Variants in SGCD observed in about 807,000 individuals in gnomAD.
The protein encoded by SGCD is sarcoglycan delta.
A neutral mutation model predicts 36.6 loss-of-function variants in SGCD; 18 were observed. The observed-to-expected ratio is 0.49, with a 90% confidence interval of 0.34 to 0.73. The LOEUF (loss-of-function observed/expected upper bound fraction) is 0.73. Ranked by LOEUF, SGCD falls within the 30% of genes least tolerant of loss-of-function variation. The pLI, the probability that SGCD is intolerant of heterozygous loss-of-function variation, is 0.01. For synonymous variants in SGCD, 133 were observed against 130.6 expected, an observed-to-expected ratio of 1.02 and a Z score of -0.12; for missense variants, 387 against 346.7, an observed-to-expected ratio of 1.12 and a Z score of -0.92.
chr5:155,801,112 T>C, the SGCD span, among the ~76,000 whole-genome samples: 1 of 152,218 alleles, frequency 6.6e-6, no homozygotes, highest in Non-Finnish European at 1.5e-5. Context: ...GATCCACCTC[T>C]CTGCCTTCTT....
intron 6 of SGCD, among the ~76,000 whole-genome samples, chr5:156,602,553 C>G (rs780220735): frequency 3.3e-5 from 5 of 152,074 alleles, no homozygotes; most frequent in Admixed American, 6.5e-5. Flanking sequence ...GAGGGAACTT[C>G]CCATTCAGTA....
intron 3 of SGCD, among the ~76,000 whole-genome samples, chr5:156,320,095 A>ATGTG (rs1491543235): frequency 2.6e-4 from 27 of 102,420 alleles, no homozygotes; most frequent in African/African-American, 9.4e-4. Context: ...ACAGCCTTTG[A>ATGTG]TATGTGTGTG....
intron 1 of SGCD, among the ~76,000 whole-genome samples, chr5:156,031,270 CTGAGAACCACTCTT>C (rs1279888571): frequency 2.0e-5 from 3 of 152,140 alleles, no homozygotes; most frequent in Non-Finnish European, 4.4e-5. Context: ...TGCTGCTAGT[CTGAGAACCACTCTT>C]TGAGAACCAC....
intron 3 of SGCD, among the ~76,000 whole-genome samples, chr5:156,272,954 C>T (rs1046294849): frequency 2.0e-5 from 3 of 152,198 alleles, no homozygotes; most frequent in East Asian, 1.9e-4. Flanking sequence ...CAAAGCCAAA[C>T]GCCTTTACTA....
chr5:156,665,216 C>G (rs1764101365), intron 7 of SGCD, among the ~76,000 whole-genome samples: 1 of 152,166 alleles, frequency 6.6e-6, no homozygotes, highest in Non-Finnish European at 1.5e-5. Flanking sequence ...GGCACCTGAC[C>G]TGCTGGAAGA....
rs1232454071 is a variant in SGCD, at chr5:156,696,336, C to T, written c.575+48800C>T. Among the ~76,000 whole-genome samples the T allele has an allele frequency of 2.0e-5, 3 of 152,176 alleles. No homozygotes were observed. In the East Asian group the frequency reaches 5.8e-4, roughly 29 times the overall value. On this transcript the variant is annotated intron_variant, in intron 7 of 8. Transcript: ENST00000337851. ...CAGAGTCCTGGGCCATAGGCAGGAT[C>T]TACATTTTGAATATGTTCTTCCTCT...
chr5:156,454,325 A>G (rs1014284127), intron 3 of SGCD, among the ~76,000 whole-genome samples: 1 of 152,180 alleles, frequency 6.6e-6, no homozygotes, highest in Non-Finnish European at 1.5e-5. Flanking sequence ...TTAAAGAAGG[A>G]AAGTTTAGTA....
chr5:155,852,886 A>G, the SGCD span, among the ~76,000 whole-genome samples: 2 of 152,088 alleles, frequency 1.3e-5, no homozygotes, highest in African/African-American at 4.8e-5. Context: ...AAAAAGTGCT[A>G]GCTCATGTGG....
At chr5:156,175,024 T>A (rs1192300188) in intron 3 of SGCD, among the ~76,000 whole-genome samples, 1 of 151,884 alleles carries the variant, frequency 6.6e-6, no homozygotes, top group Non-Finnish European at 1.5e-5. Context: ...GATAAATGAG[T>A]CTAGGGAAAG....
At chr5:156,591,686 G>T (rs895917255) in intron 5 of SGCD, among the ~76,000 whole-genome samples, 1 of 152,236 alleles carries the variant, frequency 6.6e-6, no homozygotes, top group Non-Finnish European at 1.5e-5. Context: ...AGACTACACA[G>T]AGGGGGATTA....
At chr5:155,889,912 T>C (rs1055543378) in intron 1 of SGCD, among the ~76,000 whole-genome samples, 3 of 152,196 alleles carry the variant, frequency 2.0e-5, no homozygotes, top group African/African-American at 7.2e-5. Context: ...GCCAACCTCC[T>C]CTTGCAGGAA....
chr5:156,380,329 A>G (rs972294033), intron 3 of SGCD, among the ~76,000 whole-genome samples: 2 of 152,160 alleles, frequency 1.3e-5, no homozygotes, highest in African/African-American at 4.8e-5. Flanking sequence ...GAGAACCCTC[A>G]CTTGATGAAT....
chr5:155,876,967 C>T (rs906763800), intron 1 of SGCD, among the ~76,000 whole-genome samples: 1 of 151,946 alleles, frequency 6.6e-6, no homozygotes, highest in Non-Finnish European at 1.5e-5. Flanking sequence ...ATTTTTATGC[C>T]CACTATATCC....
At chr5:155,975,253 T>TG (rs1412431846) in intron 1 of SGCD, among the ~76,000 whole-genome samples, 1 of 152,194 alleles carries the variant, frequency 6.6e-6, no homozygotes, top group African/African-American at 2.4e-5. Flanking sequence ...GAAGGCCTAT[T>TG]GGGGGCCTAT....
intron 3 of SGCD, among the ~76,000 whole-genome samples, chr5:156,124,777 G>T (rs1221037728): frequency 6.6e-6 from 1 of 151,918 alleles, no homozygotes; most frequent in Non-Finnish European, 1.5e-5. Flanking sequence ...ATGGAGGGAG[G>T]GGAGAGAGAG....
intron 7 of SGCD, among the ~76,000 whole-genome samples, chr5:156,665,198 A>C: frequency 6.6e-6 from 1 of 152,208 alleles, no homozygotes; most frequent in Non-Finnish European, 1.5e-5. Flanking sequence ...TGAGGTTGTA[A>C]TCTTACGGGC....
intron 3 of SGCD, among the ~76,000 whole-genome samples, chr5:156,320,308 T>C (rs1218988251): frequency 6.6e-6 from 1 of 152,250 alleles, no homozygotes; most frequent in African/African-American, 2.4e-5. Flanking sequence ...TATGCATTTT[T>C]TAAGCACAGG....
At chr5:156,733,989 C>T (rs372181408) in intron 7 of SGCD, among the ~76,000 whole-genome samples, 16 of 152,050 alleles carry the variant, frequency 1.1e-4, no homozygotes, top group African/African-American at 3.9e-4. Context: ...ATTTTGGAGA[C>T]TTTATGTGGT....
At chr5:155,987,239 A>G (rs1037054062) in intron 1 of SGCD, among the ~76,000 whole-genome samples, 4 of 152,146 alleles carry the variant, frequency 2.6e-5, no homozygotes, top group Non-Finnish European at 5.9e-5. Flanking sequence ...ATGGCATTTA[A>G]TAGCCCCTAA....
Sources: allele counts gnomAD v4.1 joint callset (sites outside exome capture counted in the v4.1 genomes callset), GRCh38; gene constraint gnomAD v4.1.1; transcripts MANE v1.5; gene names NCBI Gene and HGNC (gene_info 2026-07-23, HGNC 2026-07-21).